The following KCNIP4 variants were observed in gnomAD, a reference collection of about 807,000 sequenced individuals.
The protein encoded by KCNIP4 is potassium voltage-gated channel interacting protein 4, also known as Kv channel-interacting protein 4.
A neutral mutation model predicts 34.0 loss-of-function variants in KCNIP4; 12 were observed. The ratio of observed to expected loss-of-function variants is 0.35; its 90% CI spans 0.23 to 0.57. The LOEUF is 0.57. Ranked by LOEUF, KCNIP4 falls within the 20% of genes least tolerant of loss-of-function variation. The pLI is 0.83. For missense variants in KCNIP4, 238 were observed against 311.7 expected, an observed-to-expected ratio of 0.76 and a Z score of 1.78; for synonymous variants, 124 against 102.2, an observed-to-expected ratio of 1.21 and a Z score of -1.29.
intron 3 of KCNIP4, among the ~76,000 whole-genome samples, chr4:20,841,704 G>A (rs1321951102): frequency 1.3e-5 from 2 of 151,372 alleles, no homozygotes; most frequent in East Asian, 3.9e-4. Flanking sequence ...TTACTCTGAT[G>A]TCTTACACTC....
rs1261043023 is a variant in KCNIP4 at position 21,105,689 on chromosome 4, G to T, written c.62-222980C>A. 5.3e-5 allele frequency among the ~76,000 whole-genome samples: 8 copies of T among 151,570 alleles called. 1 individual carries two copies. Among genetic ancestry groups the T allele is most frequent in the South Asian group, 2.1e-4 (1 of 4,832 alleles). ...GTCTTGTGCCAGTTTTCAAATGGAA[G>T]GCTTCCAGTTTTTGCCCATTCAGTA... On this transcript the variant is annotated intron_variant, in intron 1 of 8. Coordinates refer to ENST00000382152, the MANE Select transcript of KCNIP4 (RefSeq NM_025221.6).
intron 1 of KCNIP4, among the ~76,000 whole-genome samples, chr4:21,445,281 T>C (rs1366343343): frequency 2.0e-5 from 3 of 152,094 alleles, no homozygotes; most frequent in Non-Finnish European, 4.4e-5. Flanking sequence ...TACTTTAAAG[T>C]TCATATGGAA....
intron 1 of KCNIP4, among the ~76,000 whole-genome samples, chr4:21,076,876 A>T (rs1455456191): frequency 6.6e-6 from 1 of 152,140 alleles, no homozygotes; most frequent in East Asian, 1.9e-4. Context: ...TAATCCCAGC[A>T]ATTTGGGAGG....
intron 1 of KCNIP4, among the ~76,000 whole-genome samples, chr4:21,062,227 A>G (rs1577620025): frequency 6.6e-6 from 1 of 152,314 alleles, no homozygotes; most frequent in Non-Finnish European, 1.5e-5. Context: ...AGCAAATCAC[A>G]GACAAATGGA....
At chr4:21,526,333 G>C (rs1261102110) in intron 1 of KCNIP4, among the ~76,000 whole-genome samples, 1 of 152,094 alleles carries the variant, frequency 6.6e-6, no homozygotes, top group Non-Finnish European at 1.5e-5. Context: ...CGCCATGTAA[G>C]ATGTCCCTTT....
intron 1 of KCNIP4, among the ~76,000 whole-genome samples, chr4:21,402,840 A>T (rs1723658160): frequency 6.6e-6 from 1 of 152,294 alleles, no homozygotes; most frequent in Non-Finnish European, 1.5e-5. Context: ...GATTATTAGC[A>T]TATAAGCATT....
At chr4:21,716,904 T>C (rs1714429698) in intron 1 of KCNIP4, among the ~76,000 whole-genome samples, 1 of 152,086 alleles carries the variant, frequency 6.6e-6, no homozygotes, top group South Asian at 2.1e-4. Context: ...AAGCCACTTC[T>C]CTCCATACCC....
chr4:21,231,996 G>A (rs1432136113), intron 1 of KCNIP4, among the ~76,000 whole-genome samples: 5 of 152,108 alleles, frequency 3.3e-5, no homozygotes, highest in African/African-American at 7.2e-5. Context: ...TATATGAACA[G>A]GTTAATAATG....
intron 3 of KCNIP4, among the ~76,000 whole-genome samples, chr4:20,823,984 T>C (rs560342498): frequency 6.6e-5 from 10 of 152,304 alleles, no homozygotes; most frequent in Admixed American, 3.3e-4. Flanking sequence ...ACCCCAGCAC[T>C]GCTACCTCCT....
chr4:21,641,341 C>T (rs1305329928), intron 1 of KCNIP4, among the ~76,000 whole-genome samples: 1 of 152,214 alleles, frequency 6.6e-6, no homozygotes, highest in African/African-American at 2.4e-5. Flanking sequence ...CAGGCACATA[C>T]AATAGACAGC....
intron 3 of KCNIP4, among the ~76,000 whole-genome samples, chr4:20,803,585 G>T (rs1714643946): frequency 2.0e-5 from 3 of 151,418 alleles, no homozygotes; most frequent in Admixed American, 2.0e-4. Flanking sequence ...TTGAGCCTGG[G>T]AGGTGGAGGC....
rs114751020 is a variant in KCNIP4 at position 21,120,374 on chromosome 4, C to T, written c.62-237665G>A. 2.0e-3 allele frequency among the ~76,000 whole-genome samples: 298 copies of T among 152,200 alleles called. 1 individual carries two copies. Among genetic ancestry groups the T allele is most frequent in the Admixed American group, 3.9e-3 (60 of 15,306 alleles). ...TGTTTTCTTCTGAGGTCTGTCTTCT[C>T]CCCGTGTCTTCACATGGTCTTCCCT... is the stretch of plus-strand genomic sequence containing the variant. On this transcript the variant is annotated intron_variant, in intron 1 of 8. Transcript: ENST00000382152.
intron 1 of KCNIP4, among the ~76,000 whole-genome samples, chr4:21,594,268 G>T (rs963426999): frequency 2.0e-5 from 3 of 151,976 alleles, no homozygotes; most frequent in African/African-American, 7.2e-5. Flanking sequence ...TAGAGATATA[G>T]AAATAAACAA....
chr4:21,372,398 A>ATAGT (rs1553871916), intron 1 of KCNIP4, among the ~76,000 whole-genome samples: 14 of 143,906 alleles, frequency 9.7e-5, no homozygotes, highest in East Asian at 4.1e-4. Context: ...AGATAGTTAG[A>ATAGT]TAGACAGACA....
rs202202773 is a variant in KCNIP4 at position 21,333,748 on chromosome 4, C to CA, written c.62-451040dup. Among the ~76,000 whole-genome samples the CA allele has an allele frequency of 5.4e-4, 81 of 150,140 alleles. 1 individual carries two copies. Among genetic ancestry groups the CA allele is most frequent in the East Asian group, 3.7e-3 (19 of 5,088 alleles). On this transcript the variant is annotated intron_variant, in intron 1 of 8. Transcript: ENST00000382152. Reference sequence around the variant, plus strand: ...CTGGCATTCTGTCTTTGAAAACAACCAAAAAAAAATCAATAAAAATCTTCT... The same window carrying CA: ...CTGGCATTCTGTCTTTGAAAACAACCAAAAAAAAAATCAATAAAAATCTTCT...
intron 1 of KCNIP4, among the ~76,000 whole-genome samples, chr4:21,258,223 C>G (rs1346172495): frequency 1.3e-5 from 2 of 152,112 alleles, no homozygotes; most frequent in African/African-American, 2.4e-5. Context: ...TATTGATGAT[C>G]ACATAAATTT....
At chr4:21,098,322 C>A (rs896010031) in intron 1 of KCNIP4, among the ~76,000 whole-genome samples, 7 of 152,136 alleles carry the variant, frequency 4.6e-5, no homozygotes, top group Admixed American at 2.0e-4. Flanking sequence ...TCAAGGTAGA[C>A]CAAATGGTCT....
intron 1 of KCNIP4, among the ~76,000 whole-genome samples, chr4:21,557,305 G>A (rs558981883): frequency 2.4e-4 from 37 of 152,098 alleles, no homozygotes; most frequent in Non-Finnish European, 4.4e-4. Flanking sequence ...GGATATTACC[G>A]GAATCACATT....
intron 1 of KCNIP4, among the ~76,000 whole-genome samples, chr4:21,071,321 G>A (rs76052811): frequency 1.3e-5 from 2 of 152,074 alleles, no homozygotes; most frequent in Admixed American, 6.6e-5. Context: ...CCTGTTGTCC[G>A]ATTTCTCAAG....
Sources: allele counts gnomAD v4.1 joint callset (sites outside exome capture counted in the v4.1 genomes callset), GRCh38; gene constraint gnomAD v4.1.1; transcripts MANE v1.5; gene names NCBI Gene and HGNC (gene_info 2026-07-23, HGNC 2026-07-21).